Variants in DHRS7C observed in about 807,000 individuals in gnomAD.
DHRS7C encodes dehydrogenase/reductase 7C.
In DHRS7C, 28 loss-of-function variants were observed where a neutral mutation model predicts 29.6. The ratio of observed to expected loss-of-function variants is 0.95; its 90% CI spans 0.70 to 1.30. DHRS7C has a LOEUF of 1.30. DHRS7C is among the 50% of genes most tolerant of loss of function. DHRS7C has a pLI of 0.00. For missense variants in DHRS7C, 403 were observed against 393.3 expected, an observed-to-expected ratio of 1.02 and a Z score of -0.21; for synonymous variants, 158 against 160.2, an observed-to-expected ratio of 0.99 and a Z score of 0.10.
chr17:9,783,955 GT>G (rs375176596), intron 1 of DHRS7C, among the ~76,000 whole-genome samples: 20,511 of 137,464 alleles, frequency 0.15, 1,610 homozygotes, highest in Non-Finnish European at 0.2. Flanking sequence ...TTGTTTTTTT[GT>G]TTTTTTTTTT....
At chr17:9,772,735 C>T (rs2066337879) in intron 5 of DHRS7C, 32 bp downstream of exon 5, 1 of 1,611,244 alleles carries the variant, frequency 6.2e-7, no homozygotes, top group African/African-American at 1.3e-5. Context: ...CCCGAGGCCC[C>T]CAGGGGCCCC....
intron 4 of DHRS7C, among the ~76,000 whole-genome samples, chr17:9,773,788 G>A (rs945998491): frequency 6.8e-6 from 1 of 146,460 alleles, no homozygotes; most frequent in African/African-American, 2.5e-5. Flanking sequence ...GCAGTGGTGC[G>A]ATCTCGGCTC....
At chr17:9,778,394 CAAAAAAAAA>C (rs60847065) in intron 3 of DHRS7C, among the ~76,000 whole-genome samples, 1 of 82,970 alleles carries the variant, frequency 1.2e-5, no homozygotes. Flanking sequence ...GACTCCGTCT[CAAAAAAAAA>C]AAAAAAAAAG....
Position 9,777,284 on chromosome 17 carries a change from G to C in DHRS7C, c.480C>G (p.Ala160=). 6.2e-7 allele frequency: 1 copy of C among 1,613,116 alleles called. No individual in the cohort carries two copies. Among genetic ancestry groups the C allele is most frequent in the Non-Finnish European group, 8.5e-7 (1 of 1,179,544 alleles). The change falls in exon 4 of 6, where the codon GCC becomes GCG. Residue 160 remains alanine (A), a splice_region_variant and synonymous_variant. Coordinates refer to ENST00000571134, the MANE Select transcript of DHRS7C (RefSeq NM_001105571.3). ...TCCGGGAGATCATGTTGGGAAGCAG[G>C]GCTGGAAAACACAGGACGATGCATC... The part of the protein sequence containing the change: ...NYFGPITLTK[A]LLPNMISRRT...
chr17:9,789,590 G>A (rs932550824), intron 1 of DHRS7C, among the ~76,000 whole-genome samples: 10 of 152,050 alleles, frequency 6.6e-5, no homozygotes, highest in Non-Finnish European at 1.2e-4. Flanking sequence ...CACTTACAAG[G>A]GGCCAGTTAA....
At chr17:9,781,663 C>A in intron 1 of DHRS7C, 69 bp from the exon 2 acceptor site, 1 of 1,490,942 alleles carries the variant, frequency 6.7e-7, no homozygotes, top group Non-Finnish European at 9.3e-7. Flanking sequence ...AACCCCCTCT[C>A]TTGGGAACTC....
Position 9,791,168 on chromosome 17 carries a change from C to G in DHRS7C, c.117G>C (p.Val39=). The G allele has an allele frequency of 6.2e-7, 1 of 1,613,634 alleles. No homozygotes were observed. Among genetic ancestry groups the G allele is most frequent in the Non-Finnish European group, 8.5e-7 (1 of 1,179,784 alleles). ...LWSKSAVQNK[V]VVITDAISGL... The stretch of plus-strand genomic sequence containing the variant: ...CTGAGATGGCATCGGTGATCACCAC[C>G]ACTTTGTTCTGCACAGCTGACTTTG... Residue 39 remains valine, a synonymous_variant, in exon 1 of 6, where the codon GTG becomes GTC. Coordinates refer to ENST00000571134, the MANE Select transcript of DHRS7C (RefSeq NM_001105571.3).
intron 3 of DHRS7C, among the ~76,000 whole-genome samples, chr17:9,778,262 C>T (rs921413271): frequency 1.3e-5 from 2 of 151,952 alleles, no homozygotes; most frequent in East Asian, 1.9e-4. Context: ...GGCGTGGTGG[C>T]GGGCGCCTGT....
At chr17:9,771,721 G>T in intron 5 of DHRS7C, 25 bp from the exon 6 acceptor site, 1 of 1,421,724 alleles carries the variant, frequency 7.0e-7, no homozygotes, top group East Asian at 2.7e-5. Context: ...TTGGGGGCGG[G>T]GGTTATGACC....
chr17:9,791,071 T>A (rs981008916), intron 1 of DHRS7C, 60 bp downstream of exon 1: 2 of 1,546,898 alleles, frequency 1.3e-6, no homozygotes, highest in African/African-American at 2.7e-5. Flanking sequence ...CCTGCCACCC[T>A]GCCATCCTGC....
At chr17:9,784,289 G>A (rs559194253) in intron 1 of DHRS7C, among the ~76,000 whole-genome samples, 7 of 152,208 alleles carry the variant, frequency 4.6e-5, no homozygotes, top group South Asian at 4.1e-4. Flanking sequence ...TGGCTAACAC[G>A]GTGAAACCCC....
At position 9,774,649 on chromosome 17, in the gene DHRS7C, G is replaced by A. The variant is rs745972089; in HGVS notation, c.572-1727C>T. 3.4e-4 allele frequency among the ~76,000 whole-genome samples: 51 copies of A among 152,170 alleles called. No individual in the cohort carries two copies. Among genetic ancestry groups the A allele is most frequent in the Non-Finnish European group, 5.9e-4 (40 of 68,030 alleles). ...CAGCAGGAGGGACACATGGCAGGCT[G>A]CCTTCCCTTTCAAGTCTGTGTGCCA... On this transcript the variant is annotated intron_variant, in intron 4 of 5. Coordinates refer to ENST00000571134, the MANE Select transcript of DHRS7C (RefSeq NM_001105571.3). The surrounding 1 kb of genome is among the most constrained non-coding windows in gnomAD (Gnocchi z 5.0).
rs147692773 is a variant in DHRS7C at position 9,782,554 on chromosome 17, C to T, written c.155-960G>A. Among the ~76,000 whole-genome samples the T allele has an allele frequency of 3.2e-3, 494 of 152,284 alleles. 4 individuals are homozygous for T. The highest frequency in any genetic ancestry group is 0.012 in the African/African-American group (481 of 41,562). ...GTCAATCAGTCACTGATGGGGCTGCCCTCTCTGGGGGTGCGTGCATAGGCT... is the reference window on the plus strand; with the variant it reads ...GTCAATCAGTCACTGATGGGGCTGCTCTCTCTGGGGGTGCGTGCATAGGCT... On this transcript the variant is annotated intron_variant, in intron 1 of 5. Transcript: ENST00000571134.
At chr17:9,788,321 C>T (rs1482426268) in intron 1 of DHRS7C, among the ~76,000 whole-genome samples, 3 of 152,202 alleles carry the variant, frequency 2.0e-5, no homozygotes, top group Admixed American at 2.0e-4. Context: ...ATCCTCCTGC[C>T]TCAGCCTCCC....
At chr17:9,777,473 C>G (rs535809456) in intron 3 of DHRS7C, among the ~76,000 whole-genome samples, 188 bp from the exon 4 acceptor site, 1 of 151,178 alleles carries the variant, frequency 6.6e-6, no homozygotes, top group Non-Finnish European at 1.5e-5. Flanking sequence ...CGTGGGCTGG[C>G]GAGTTGCTGG....
rs762919810 is a variant in DHRS7C, at chr17:9,781,592, A to C, written c.157T>G (p.Cys53Gly). ...TDAISGLGKECARVFHTGGAR... is the reference protein window; with the variant it reads ...TDAISGLGKEGARVFHTGGAR... ...CCACCTGTGTGGAACACCCGAGCAC[A>C]CTCTGTGGGGAAGAAGGAAACAGGG... Residue 53 changes from cysteine to glycine, a missense_variant and splice_region_variant, in exon 2 of 6, where the codon TGT becomes GGT. Physicochemically the swap from Cys to Gly is radical, Grantham distance 159. Transcript: ENST00000571134. The C allele has an allele frequency of 6.2e-7, 1 of 1,613,550 alleles. No homozygotes were observed.
rs1397495177 is a variant in DHRS7C, at chr17:9,791,287, T to C, written c.-3A>G. 3 of 1,613,404 alleles carry C rather than the reference T, an allele frequency of 1.9e-6. No individual in the cohort carries two copies. Among genetic ancestry groups the C allele is most frequent in the Non-Finnish European group, 2.5e-6 (3 of 1,179,750 alleles). On this transcript the variant is annotated 5_prime_UTR_variant, in exon 1 of 6. Transcript: ENST00000571134. ...ATCAGCATGGCCATGACTCCCATCTTGTTCTGGGGGACAACGGAGTAAAAG... is the reference window on the plus strand; with the variant it reads ...ATCAGCATGGCCATGACTCCCATCTCGTTCTGGGGGACAACGGAGTAAAAG...
chr17:9,779,665 T>G (rs1236638642), intron 3 of DHRS7C, among the ~76,000 whole-genome samples, 160 bp downstream of exon 3: 3 of 152,126 alleles, frequency 2.0e-5, no homozygotes, highest in Non-Finnish European at 2.9e-5. Context: ...TCATAAACAC[T>G]TACAATGGGA....
chr17:9,775,983 CCA>C lies in DHRS7C; in HGVS notation c.571+1208_571+1209del, dbSNP rs2066360323. ...TTGGGAGGTCAAGGCGGGTGAATCACCAGAGGTCAGGAGTTCGAGATCAGCCT... is the reference window on the plus strand; with the variant it reads ...TTGGGAGGTCAAGGCGGGTGAATCACGAGGTCAGGAGTTCGAGATCAGCCT... On this transcript the variant is annotated intron_variant, in intron 4 of 5. Coordinates refer to ENST00000571134, the MANE Select transcript of DHRS7C (RefSeq NM_001105571.3). The surrounding 1 kb of genome is among the most constrained non-coding windows in gnomAD (Gnocchi z 4.2). Among the ~76,000 whole-genome samples the C allele has an allele frequency of 6.6e-6, 1 of 152,160 alleles. No homozygotes were observed. Among genetic ancestry groups the C allele is most frequent in the African/African-American group, 2.4e-5 (1 of 41,430 alleles).
Sources: gnomAD v4.1 joint callset for allele counts (sites outside exome capture counted in the v4.1 genomes callset) on GRCh38, gnomAD v4.1.1 for gene constraint, Gnocchi (gnomAD v3.1) non-coding constraint, MANE v1.5 for transcripts, NCBI Gene and HGNC (gene_info 2026-07-23, HGNC 2026-07-21) for gene names.